The following KLRG1 variants were observed in gnomAD, a reference collection of about 807,000 sequenced individuals.
KLRG1 encodes killer cell lectin like receptor G1.
In KLRG1, 16 loss-of-function variants were observed where a neutral mutation model predicts 21.8. That is an observed-to-expected ratio of 0.73 (90% CI 0.50 to 1.11). The LOEUF is 1.11. Ranked by LOEUF, KLRG1 falls within the 50% of genes most tolerant of loss-of-function variation. The pLI, the probability that KLRG1 is intolerant of heterozygous loss-of-function variation, is 0.00. For missense variants in KLRG1, 173 were observed against 218.3 expected (o/e 0.79, Z 1.31); for synonymous variants, 69 against 75.9 (o/e 0.91, Z 0.47).
At chr12:9,030,471 G>A in the KLRG1 span, among the ~76,000 whole-genome samples, 35,771 of 151,786 alleles carry the variant, frequency 0.24, 4,852 homozygotes, top group South Asian at 0.32. Context: ...CAATGGCAAG[G>A]TCTTGGCTCA....
the KLRG1 span, chr12:9,193,972 ATCT>A: frequency 2.7e-6 from 3 of 1,112,902 alleles, no homozygotes; most frequent in Non-Finnish European, 3.7e-6. Flanking sequence ...AAAGTTAGAT[ATCT>A]TCTTATTTCT....
chr12:9,189,832 G>A, the KLRG1 span, among the ~76,000 whole-genome samples: 2 of 152,026 alleles, frequency 1.3e-5, no homozygotes, highest in Non-Finnish European at 2.9e-5. Context: ...GTGGGCAAAG[G>A]ACAGGAATAA....
chr12:9,118,537 A>G, the KLRG1 span, among the ~76,000 whole-genome samples: 2 of 152,242 alleles, frequency 1.3e-5, no homozygotes, highest in African/African-American at 4.8e-5. Flanking sequence ...AGTCATCAAA[A>G]GTCTACGCCA....
At chr12:8,992,080 T>G in intron 1 of KLRG1, 126 bp from the exon 2 acceptor site, 1 of 702,068 alleles carries the variant, frequency 1.4e-6, no homozygotes. Flanking sequence ...AAAAGGAATC[T>G]TTATGGCCTG....
downstream of KLRG1, among the ~76,000 whole-genome samples, chr12:9,012,017 C>T (rs781047671): frequency 1.6e-4 from 24 of 152,184 alleles, no homozygotes; most frequent in Non-Finnish European, 2.9e-4. Flanking sequence ...ACTCTGGGAT[C>T]CTAAATAAAC....
At chr12:9,139,780 C>T in the KLRG1 span, among the ~76,000 whole-genome samples, 2 of 152,112 alleles carry the variant, frequency 1.3e-5, no homozygotes, top group East Asian at 3.8e-4. Flanking sequence ...AGGAAAGAAA[C>T]ATGAAAAATG....
chr12:9,106,431 AT>A, the KLRG1 span: 3 of 1,435,348 alleles, frequency 2.1e-6, no homozygotes, highest in Non-Finnish European at 2.9e-6. Context: ...ACAATTCATT[AT>A]TTGGCTAAGA....
chr12:9,188,534 A>G, the KLRG1 span, among the ~76,000 whole-genome samples: 6 of 152,200 alleles, frequency 3.9e-5, no homozygotes, highest in Non-Finnish European at 8.8e-5. Context: ...ACAATCGGGC[A>G]AGACAAAGAA....
the KLRG1 span, among the ~76,000 whole-genome samples, chr12:9,094,091 G>A: frequency 6.6e-6 from 1 of 151,938 alleles, no homozygotes; most frequent in African/African-American, 2.4e-5. Context: ...ACACAAGGCC[G>A]TGAAGAGGGG....
At chr12:9,098,875 G>A in the KLRG1 span, 1 of 1,147,836 alleles carries the variant, frequency 8.7e-7, no homozygotes, top group East Asian at 2.7e-5. Flanking sequence ...ACTTCGTGGA[G>A]GGTTGGCATT....
the KLRG1 span, chr12:9,067,677 A>G: frequency 2.7e-6 from 2 of 752,310 alleles, no homozygotes; most frequent in African/African-American, 1.7e-5. Flanking sequence ...ATGTACAATG[A>G]TATTTATTGA....
the KLRG1 span, among the ~76,000 whole-genome samples, chr12:9,096,002 A>G: frequency 2.0e-5 from 3 of 146,530 alleles, no homozygotes; most frequent in Admixed American, 6.8e-5. Flanking sequence ...CTCATGATCC[A>G]CCCGCCTCGG....
intron 1 of KLRG1, among the ~76,000 whole-genome samples, chr12:8,968,560 C>T (rs1400723577): frequency 6.6e-6 from 1 of 152,170 alleles, no homozygotes; most frequent in East Asian, 1.9e-4. Flanking sequence ...ACGTAATTAA[C>T]AGAAAATCTG....
chr12:9,180,964 A>G, the KLRG1 span: 2 of 1,607,626 alleles, frequency 1.2e-6, no homozygotes, highest in Non-Finnish European at 8.5e-7. Flanking sequence ...CCTGGTCCCC[A>G]AGGCCACTGG....
chr12:9,157,696 T>C, the KLRG1 span: 2 of 1,356,296 alleles, frequency 1.5e-6, no homozygotes, highest in Non-Finnish European at 2.1e-6. Context: ...ACTCAACCCT[T>C]AGCAGGGTGG....
the KLRG1 span, among the ~76,000 whole-genome samples, chr12:9,161,606 T>G: frequency 6.6e-5 from 10 of 152,314 alleles, no homozygotes; most frequent in African/African-American, 1.9e-4. Context: ...TTAAGACTTA[T>G]AACCATGATA....
the KLRG1 span, among the ~76,000 whole-genome samples, chr12:9,190,916 T>C: frequency 6.6e-6 from 1 of 152,206 alleles, no homozygotes; most frequent in Non-Finnish European, 1.5e-5. Flanking sequence ...ATTTGTTCTT[T>C]TATCATAGAG....
At chr12:9,121,548 C>G in the KLRG1 span, among the ~76,000 whole-genome samples, 1 of 152,044 alleles carries the variant, frequency 6.6e-6, no homozygotes, top group Non-Finnish European at 1.5e-5. This position sits in a 1 kb window ranked among gnomAD's most constrained non-coding sequence, Gnocchi z 4.4. Context: ...TCGAAACAAA[C>G]AAACAAAAAA....
At chr12:8,998,547 G>C (rs777014356) in intron 3 of KLRG1, among the ~76,000 whole-genome samples, 2 of 151,922 alleles carry the variant, frequency 1.3e-5, no homozygotes, top group Admixed American at 6.6e-5. Context: ...AAATTAGCTG[G>C]GTGTGGTGGC....
Sources: allele counts gnomAD v4.1 joint callset (sites outside exome capture counted in the v4.1 genomes callset), GRCh38; gene constraint gnomAD v4.1.1; non-coding constraint Gnocchi (gnomAD v3.1); transcripts MANE v1.5; gene names NCBI Gene and HGNC (gene_info 2026-07-23, HGNC 2026-07-21).